The following VPS53 variants were observed in gnomAD, a reference collection of about 807,000 sequenced individuals.
The protein encoded by VPS53 is VPS53 subunit of GARP complex.
VPS53 carries 70 observed loss-of-function variants against 107.0 expected under a neutral mutation model. The observed-to-expected ratio is 0.65, with a 90% confidence interval of 0.54 to 0.80. The LOEUF (loss-of-function observed/expected upper bound fraction) is 0.80. Ranked by LOEUF, VPS53 falls within the 30% of genes least tolerant of loss-of-function variation. VPS53 has a pLI of 0.00. For synonymous variants in VPS53, 409 were observed against 393.3 expected (o/e 1.04, Z -0.47); for missense variants, 917 against 1,049.4 (o/e 0.87, Z 1.74).
intron 12 of VPS53, among the ~76,000 whole-genome samples, chr17:595,084 C>G (rs375597109): frequency 4.2e-5 from 3 of 70,702 alleles, no homozygotes; most frequent in Non-Finnish European, 8.5e-5. Flanking sequence ...TCAATTTCCT[C>G]GTTTGATGAT....
At chr17:532,615 C>T (rs1909679579) in intron 19 of VPS53, 4 of 1,127,160 alleles carry the variant, frequency 3.5e-6, no homozygotes, top group South Asian at 2.6e-5. Context: ...TTCCATGGTG[C>T]TTGCTGTGTT....
intron 8 of VPS53, 150 bp downstream of exon 8, chr17:631,400 G>C: frequency 9.7e-6 from 7 of 718,742 alleles, no homozygotes; most frequent in South Asian, 8.2e-5. Flanking sequence ...TTAAAATCCA[G>C]GGTGGTCTCA....
chr17:662,952 A>G (rs1971534448), intron 4 of VPS53, among the ~76,000 whole-genome samples: 2 of 151,874 alleles, frequency 1.3e-5, no homozygotes, highest in African/African-American at 4.8e-5. Flanking sequence ...CACACCTGTA[A>G]TCCCAGCACT....
At chr17:529,398 TCACACA>T (rs3084065) in intron 19 of VPS53, among the ~76,000 whole-genome samples, 14 of 150,200 alleles carry the variant, frequency 9.3e-5, no homozygotes, top group East Asian at 3.9e-4. Context: ...ACACACACAC[TCACACA>T]CACACACACA....
intron 5 of VPS53, chr17:657,664 G>C: frequency 1.7e-6 from 1 of 573,656 alleles, no homozygotes; most frequent in Non-Finnish European, 3.1e-6. Context: ...GAGTGCCCTG[G>C]ATACCAAACA....
chr17:519,469 G>A lies in VPS53; in HGVS notation c.2329-171C>T, dbSNP rs1052600715. ...GACTCACCATCCCCTGGGTAGTAGC[G>A]TGGGAGGAAAAGAGAGGGGAAGAAA... On this transcript the variant is annotated intron_variant, in intron 21 of 21. Transcript: ENST00000437048. The surrounding 1 kb of genome is among the most constrained non-coding windows in gnomAD (Gnocchi z 5.0). 2.6e-5 allele frequency among the ~76,000 whole-genome samples: 4 copies of A among 152,220 alleles called. No individual in the cohort carries two copies. The highest frequency in any genetic ancestry group is 9.6e-5 in the African/African-American group (4 of 41,460).
chr17:617,109 A>G (rs1007207533), intron 11 of VPS53, among the ~76,000 whole-genome samples: 2 of 152,164 alleles, frequency 1.3e-5, no homozygotes, highest in African/African-American at 4.8e-5. Flanking sequence ...CAGCTCACAG[A>G]GCCTGTCCTG....
At chr17:654,444 A>G (rs1971090160) in intron 6 of VPS53, among the ~76,000 whole-genome samples, 1 of 152,040 alleles carries the variant, frequency 6.6e-6, no homozygotes, top group Non-Finnish European at 1.5e-5. Context: ...GAAGCATTGA[A>G]AAAGACAGGA....
At chr17:585,807 T>C (rs1967281049) in intron 13 of VPS53, among the ~76,000 whole-genome samples, 1 of 152,224 alleles carries the variant, frequency 6.6e-6, no homozygotes. Context: ...GTAACTCTGG[T>C]TGTTATGTAA....
In VPS53 at chr17:714,693, T is replaced by A. The variant is rs1420674148; in HGVS notation, c.17A>T (p.Glu6Val). Reference sequence around the variant, plus strand: ...TTCCAGCTCCTCCACGAACTCCAGTTCCTCCTCCTCCATCATTCCGCCACC... The same window carrying A: ...TTCCAGCTCCTCCACGAACTCCAGTACCTCCTCCTCCATCATTCCGCCACC... MMEEE[E>V]LEFVEELEAV... Residue 6 changes from glutamate (E) to valine (V), a missense_variant, in exon 1 of 22, where the codon GAA becomes GTA. Coordinates refer to ENST00000437048, the MANE Select transcript of VPS53 (RefSeq NM_001128159.3). 3.1e-6 allele frequency: 5 copies of A among 1,609,744 alleles called. No individual in the cohort carries two copies. The highest frequency in any genetic ancestry group is 1.1e-5 in the South Asian group (1 of 90,890).
Position 655,963 on chromosome 17 carries a change from G to A in VPS53, c.373-10C>T, listed in dbSNP as rs777701199. 1.9e-5 allele frequency: 31 copies of A among 1,607,706 alleles called. No individual in the cohort carries two copies. In the Admixed American group the frequency reaches 3.6e-4, roughly 18 times the overall value. On this transcript the variant is annotated splice_polypyrimidine_tract_variant and intron_variant, in intron 5 of 21. Coordinates refer to ENST00000437048, the MANE Select transcript of VPS53 (RefSeq NM_001128159.3). ...GGGTGATTTCTTTCACCTAAACATT[G>A]AAAAACCACAAGAAAGAAAGGAAGA...
intron 10 of VPS53, among the ~76,000 whole-genome samples, chr17:624,351 A>G (rs1375936440): frequency 6.6e-6 from 1 of 152,166 alleles, no homozygotes; most frequent in East Asian, 1.9e-4. Context: ...GGAGTCCTGG[A>G]AACACACGCA....
At chr17:650,056 C>T (rs151081059) in intron 7 of VPS53, among the ~76,000 whole-genome samples, 4 of 152,246 alleles carry the variant, frequency 2.6e-5, no homozygotes, top group Non-Finnish European at 4.4e-5. Flanking sequence ...AGAGACATGG[C>T]AGCAGATCTA....
intron 7 of VPS53, among the ~76,000 whole-genome samples, chr17:647,785 T>C (rs1970768400): frequency 6.6e-6 from 1 of 151,966 alleles, no homozygotes; most frequent in Admixed American, 6.6e-5. Context: ...GCGTCAGAAA[T>C]AATAAAAAGA....
At chr17:604,088 C>T (rs1290459760) in intron 11 of VPS53, among the ~76,000 whole-genome samples, 1 of 152,182 alleles carries the variant, frequency 6.6e-6, no homozygotes, top group Non-Finnish European at 1.5e-5. Flanking sequence ...GAACTAAATG[C>T]CCCTCATCTA....
At chr17:624,200 A>C (rs1969592648) in intron 10 of VPS53, among the ~76,000 whole-genome samples, 1 of 152,042 alleles carries the variant, frequency 6.6e-6, no homozygotes, top group Non-Finnish European at 1.5e-5. Context: ...ACAGTTTAAT[A>C]ATTGGATAAT....
chr17:585,697 G>T (rs77781620), intron 13 of VPS53, among the ~76,000 whole-genome samples: 1 of 152,106 alleles, frequency 6.6e-6, no homozygotes, highest in Non-Finnish European at 1.5e-5. Flanking sequence ...AAGATTAAAG[G>T]AGACCAAGAT....
chr17:565,546 T>C lies in VPS53; in HGVS notation c.1314-2801A>G, dbSNP rs1284412557. On this transcript the variant is annotated intron_variant, in intron 13 of 21. Coordinates refer to ENST00000437048, the MANE Select transcript of VPS53 (RefSeq NM_001128159.3). ...AGTGAGAAAGCAGGGAAGGATCTCGTTGGTTGACCTCGGAAAGCTTCATGG... is the reference window on the plus strand; with the variant it reads ...AGTGAGAAAGCAGGGAAGGATCTCGCTGGTTGACCTCGGAAAGCTTCATGG... Among the ~76,000 whole-genome samples, 6 of 152,270 alleles carry C rather than the reference T, an allele frequency of 3.9e-5. No homozygotes were observed. The East Asian group carries it at 9.6e-4, about 24-fold the overall frequency.
intron 11 of VPS53, among the ~76,000 whole-genome samples, chr17:607,853 G>A (rs1178398876): frequency 1.3e-5 from 2 of 152,078 alleles, no homozygotes; most frequent in Non-Finnish European, 2.9e-5. Context: ...AGGACAGTCA[G>A]GCTGTCTAAT....
Sources: allele counts gnomAD v4.1 joint callset (sites outside exome capture counted in the v4.1 genomes callset), GRCh38; gene constraint gnomAD v4.1.1; non-coding constraint Gnocchi (gnomAD v3.1); transcripts MANE v1.5; gene names NCBI Gene and HGNC (gene_info 2026-07-23, HGNC 2026-07-21).